The following XPO1 variants were observed in gnomAD, a reference collection of about 807,000 sequenced individuals.
XPO1 encodes exportin-1.
In XPO1, 5 loss-of-function variants were observed where a neutral mutation model predicts 133.3. The ratio of observed to expected loss-of-function variants is 0.04; its 90% CI spans 0.02 to 0.08. The LOEUF is 0.08. Ranked by LOEUF, XPO1 falls within the 10% of genes least tolerant of loss-of-function variation. XPO1 has a pLI of 1.00. For synonymous variants in XPO1, 419 were observed against 408.2 expected (o/e 1.03, Z -0.32); for missense variants, 506 against 1,267.5 (o/e 0.40, Z 9.12).
At chr2:61,491,327 G>A (rs1417706156) in intron 16 of XPO1, among the ~76,000 whole-genome samples, 2 of 151,726 alleles carry the variant, frequency 1.3e-5, no homozygotes, top group African/African-American at 4.8e-5. Flanking sequence ...TGGGCGTGGT[G>A]GCAAGCACCT....
At chr2:61,488,139 T>G in intron 19 of XPO1, 26 bp downstream of exon 19, 1 of 1,597,074 alleles carries the variant, frequency 6.3e-7, no homozygotes, top group Non-Finnish European at 8.6e-7. Flanking sequence ...ACACTAGAAA[T>G]CAAAAGCAAA....
At chr2:61,497,136 G>T in intron 9 of XPO1, 129 bp from the exon 10 acceptor site, 2 of 1,171,128 alleles carry the variant, frequency 1.7e-6, no homozygotes, top group Non-Finnish European at 2.3e-6. Context: ...CAGGCCAAGT[G>T]AATGAACATA....
intron 2 of XPO1, 51 bp downstream of exon 2, chr2:61,533,721 C>A (rs1699254312): frequency 2.1e-6 from 3 of 1,405,080 alleles, no homozygotes; most frequent in African/African-American, 1.5e-5. Context: ...CTAAACCCAA[C>A]AACTCTGTTA....
chr2:61,520,157 A>G (rs752367735), intron 4 of XPO1, among the ~76,000 whole-genome samples: 1 of 152,218 alleles, frequency 6.6e-6, no homozygotes, highest in Non-Finnish European at 1.5e-5. Context: ...GGGTATAGCT[A>G]CAGCAAAAAG....
chr2:61,537,432 C>A (rs911349314), intron 1 of XPO1, 130 bp downstream of exon 1: 1 of 148,440 alleles, frequency 6.7e-6, no homozygotes, highest in Non-Finnish European at 1.5e-5. Flanking sequence ...CCCGCCGCGC[C>A]CCCGGCCCGC....
At chr2:61,490,597 T>C in intron 17 of XPO1, 45 bp downstream of exon 17, 1 of 1,612,358 alleles carries the variant, frequency 6.2e-7, no homozygotes, top group Non-Finnish European at 8.5e-7. Flanking sequence ...GAACACGTCT[T>C]GTTAAATCCC....
chr2:61,481,190 T>C lies in XPO1; in HGVS notation c.3064A>G (p.Ile1022Val). 6.2e-7 allele frequency: 1 copy of C among 1,602,926 alleles called. No homozygotes were observed. Among genetic ancestry groups the C allele is most frequent in the Non-Finnish European group, 8.5e-7 (1 of 1,173,812 alleles). Residue 1022 changes from isoleucine (I) to valine (V), a missense_variant, in exon 24 of 25, where the codon ATA becomes GTA. Physicochemically the swap from Ile to Val is conservative, Grantham distance 29. This residue lies in a region of XPO1 where 203 missense variants were observed against 365.9 expected (regional missense o/e 0.55). Coordinates refer to ENST00000401558, the MANE Select transcript of XPO1 (RefSeq NM_003400.4). ...KEHLRDFLVQ[I>V]KEFAGEDTSD... ...AAGAGCAAATAAATACATACCTTTATTTGAACTAGGAAATCTCTTAAATGT... is the reference window on the plus strand; with the variant it reads ...AAGAGCAAATAAATACATACCTTTACTTGAACTAGGAAATCTCTTAAATGT...
At chr2:61,529,422 C>T (rs754803577) in intron 2 of XPO1, among the ~76,000 whole-genome samples, 3 of 152,140 alleles carry the variant, frequency 2.0e-5, no homozygotes, top group Middle Eastern at 3.4e-3. Context: ...CTTTGGGTGG[C>T]CAAGGTGGGT....
rs201354664 is a variant in XPO1, at chr2:61,482,606, TG to T, written c.2813-68del. On this transcript the variant is annotated intron_variant, in intron 22 of 24. Coordinates refer to ENST00000401558, the MANE Select transcript of XPO1 (RefSeq NM_003400.4). ...AACTATAGATCTTAGCGTTTTTTTT[TG>T]TTTTGTTTTTTTTTTTTAGACGGAG... 2.1e-4 allele frequency: 280 copies of T among 1,321,404 alleles called. 2 individuals carry two copies. The African/African-American group carries it at 2.7e-3, about 13-fold the overall frequency. 81.9% of individuals were successfully genotyped at this position (1,321,404 alleles called of 1,614,324 possible).
rs374096529 is a variant in XPO1, at chr2:61,492,016, T to C, written c.1887+19A>G. ...AGTGTTACTTTCTAAAAATAACATATGCTCAGTGCTTAACATACCTGTTGA... is the reference window on the plus strand; with the variant it reads ...AGTGTTACTTTCTAAAAATAACATACGCTCAGTGCTTAACATACCTGTTGA... On this transcript the variant is annotated intron_variant, in intron 16 of 24. Coordinates refer to ENST00000401558, the MANE Select transcript of XPO1 (RefSeq NM_003400.4). This position sits in a 1 kb window ranked among gnomAD's most constrained non-coding sequence, Gnocchi z 5.6. The C allele has an allele frequency of 1.2e-5, 20 of 1,612,546 alleles. No individual in the cohort carries two copies. The African/African-American group carries it at 1.6e-4, about 13-fold the overall frequency.
intron 4 of XPO1, among the ~76,000 whole-genome samples, chr2:61,513,738 T>C (rs1425141065): frequency 6.6e-6 from 1 of 152,050 alleles, no homozygotes; most frequent in African/African-American, 2.4e-5. Context: ...TTAATCAAAA[T>C]CTGAAATTTT....
At chr2:61,537,196 T>C (rs1346451496) in intron 1 of XPO1, 3 of 151,732 alleles carry the variant, frequency 2.0e-5, no homozygotes, top group Non-Finnish European at 4.4e-5. Flanking sequence ...CCTAATAATT[T>C]ACAGAGATGT....
At position 61,481,287 on chromosome 2, in the gene XPO1, A is replaced by G; in HGVS notation, c.2973-6T>C. 6.3e-7 allele frequency: 1 copy of G among 1,594,802 alleles called. No individual in the cohort carries two copies. Among genetic ancestry groups the G allele is most frequent in the Non-Finnish European group, 8.5e-7 (1 of 1,169,598 alleles). Reference sequence around the variant, plus strand: ...CAAAGAGCTTTACTTGAGCACTGCAAATCAAAACACAATGATTAAATAATG... The same window carrying G: ...CAAAGAGCTTTACTTGAGCACTGCAGATCAAAACACAATGATTAAATAATG... On this transcript the variant is annotated splice_region_variant and splice_polypyrimidine_tract_variant and intron_variant, in intron 23 of 24. Transcript: ENST00000401558.
At chr2:61,516,245 C>T (rs1384592442) in intron 4 of XPO1, among the ~76,000 whole-genome samples, 3 of 151,216 alleles carry the variant, frequency 2.0e-5, no homozygotes, top group African/African-American at 7.3e-5. Flanking sequence ...GCGGAGGCTG[C>T]AGTGAGTGGA....
chr2:61,489,284 T>C (rs1476044130), intron 17 of XPO1, among the ~76,000 whole-genome samples: 1 of 149,962 alleles, frequency 6.7e-6, no homozygotes, highest in Non-Finnish European at 1.5e-5. Flanking sequence ...ACAATGGTGC[T>C]TGCTTGTAAT....
chr2:61,486,083 T>TAG, intron 19 of XPO1, 121 bp from the exon 20 acceptor site: 2 of 993,446 alleles, frequency 2.0e-6, no homozygotes, highest in African/African-American at 1.6e-5. Flanking sequence ...AGGAAAATCT[T>TAG]GTGTTTGTAT....
intron 11 of XPO1, chr2:61,494,415 C>T (rs528979677): frequency 3.4e-4 from 75 of 222,202 alleles, no homozygotes; most frequent in African/African-American, 1.7e-3. Flanking sequence ...GAGGAGAGAA[C>T]AAACAAAATA....
chr2:61,518,220 T>C (rs1243436642), intron 4 of XPO1, among the ~76,000 whole-genome samples: 1 of 151,276 alleles, frequency 6.6e-6, no homozygotes, highest in Non-Finnish European at 1.5e-5. Flanking sequence ...ACCACTGTAC[T>C]CCAGCCTGAG....
intron 4 of XPO1, among the ~76,000 whole-genome samples, chr2:61,508,724 A>C (rs192313040): frequency 6.6e-6 from 1 of 152,308 alleles, no homozygotes; most frequent in Non-Finnish European, 1.5e-5. Context: ...ATTGAGAACA[A>C]ATTAATTCAA....
Sources: gnomAD v4.1 joint callset for allele counts (sites outside exome capture counted in the v4.1 genomes callset) on GRCh38, gnomAD v4.1.1 for gene constraint, gnomAD v4.1.1 regional missense constraint, Gnocchi (gnomAD v3.1) non-coding constraint, MANE v1.5 for transcripts, NCBI Gene and HGNC (gene_info 2026-07-23, HGNC 2026-07-21) for gene names.